Variants in KLRG2 observed in about 807,000 individuals in gnomAD.
The protein encoded by KLRG2 is killer cell lectin-like receptor subfamily G member 2.
Under a neutral mutation model 35.4 loss-of-function variants are expected in KLRG2, and 39 were observed. The ratio of observed to expected loss-of-function variants is 1.10; its 90% confidence interval spans 0.85 to 1.44. The LOEUF (loss-of-function observed/expected upper bound fraction) is 1.44. Ranked by LOEUF, KLRG2 falls within the 40% of genes most tolerant of loss-of-function variation. KLRG2 has a pLI of 0.00. For synonymous variants in KLRG2, 283 were observed against 265.8 expected (o/e 1.06, Z -0.63); for missense variants, 632 against 570.9 (o/e 1.11, Z -1.09).
At chr7:139,433,088 T>C in the KLRG2 span, among the ~76,000 whole-genome samples, 1 of 152,236 alleles carries the variant, frequency 6.6e-6, no homozygotes, top group Admixed American at 6.5e-5. Flanking sequence ...GTATTTGTTT[T>C]CATAGTTCTA....
At chr7:139,433,928 G>GCGCCCAGCATCA in the KLRG2 span, among the ~76,000 whole-genome samples, 55 of 152,158 alleles carry the variant, frequency 3.6e-4, no homozygotes, top group African/African-American at 8.7e-4. Flanking sequence ...GTGAGCCACC[G>GCGCCCAGCATCA]CGCCCAGCAT....
At chr7:139,460,761 C>T (rs1796554785) in intron 3 of KLRG2, among the ~76,000 whole-genome samples, 1 of 151,930 alleles carries the variant, frequency 6.6e-6, no homozygotes, top group Non-Finnish European at 1.5e-5. Flanking sequence ...GAGTTTGAGA[C>T]CGGCCTGGCT....
At chr7:139,446,375 C>G in the KLRG2 span, among the ~76,000 whole-genome samples, 1 of 142,732 alleles carries the variant, frequency 7.0e-6, no homozygotes, top group Non-Finnish European at 1.5e-5. Flanking sequence ...AGAGAGTCTC[C>G]CTCTGTCGCC....
At chr7:139,435,785 C>T in the KLRG2 span, among the ~76,000 whole-genome samples, 1 of 152,218 alleles carries the variant, frequency 6.6e-6, no homozygotes, top group South Asian at 2.1e-4. Flanking sequence ...CACCTTTTCA[C>T]ATTGAGTAGA....
chr7:139,440,316 C>A, the KLRG2 span, among the ~76,000 whole-genome samples: 35 of 143,762 alleles, frequency 2.4e-4, no homozygotes, highest in African/African-American at 8.0e-4. Flanking sequence ...GATTGGATCT[C>A]CCTATGTTGC....
At chr7:139,454,881 C>T (rs1380857986) in intron 3 of KLRG2, among the ~76,000 whole-genome samples, 1 of 150,466 alleles carries the variant, frequency 6.6e-6, no homozygotes, top group East Asian at 1.9e-4. Context: ...CGCAGATGTG[C>T]AGGAACAACA....
chr7:139,434,596 T>C, the KLRG2 span, among the ~76,000 whole-genome samples: 244 of 152,326 alleles, frequency 1.6e-3, no homozygotes, highest in Non-Finnish European at 2.4e-3. Context: ...CCTGTTCCTG[T>C]TTTTTAAAAG....
the KLRG2 span, among the ~76,000 whole-genome samples, chr7:139,445,903 C>A: frequency 1.1e-4 from 17 of 150,908 alleles, no homozygotes; most frequent in Non-Finnish European, 2.2e-4. Context: ...ACAATCTCGG[C>A]TCACTGCAGC....
intron 1 of KLRG2, among the ~76,000 whole-genome samples, chr7:139,481,720 T>C (rs749810855): frequency 6.6e-6 from 1 of 152,078 alleles, no homozygotes; most frequent in Non-Finnish European, 1.5e-5. Context: ...GGTCAGGAGT[T>C]CCAGACCAGC....
intron 3 of KLRG2, among the ~76,000 whole-genome samples, chr7:139,470,473 T>C (rs1387762792): frequency 6.6e-6 from 1 of 152,102 alleles, no homozygotes; most frequent in African/African-American, 2.4e-5. Context: ...TCTGTCAAAC[T>C]GACAAAGATT....
the KLRG2 span, among the ~76,000 whole-genome samples, chr7:139,443,547 A>G: frequency 3.7e-3 from 568 of 152,068 alleles, 6 homozygotes; most frequent in African/African-American, 0.013. Context: ...TAGAGGATGT[A>G]TGTGTAGATG....
At chr7:139,480,987 G>A (rs1242481105) in intron 1 of KLRG2, among the ~76,000 whole-genome samples, 3 of 151,988 alleles carry the variant, frequency 2.0e-5, no homozygotes, top group East Asian at 1.9e-4. Context: ...TAAGTGATCC[G>A]CCCGCCTTGG....
chr7:139,464,750 A>T (rs1796621381), intron 3 of KLRG2, among the ~76,000 whole-genome samples: 1 of 152,242 alleles, frequency 6.6e-6, no homozygotes, highest in African/African-American at 2.4e-5. Flanking sequence ...TTACTCTTTT[A>T]GCCTAGCCTT....
the KLRG2 span, among the ~76,000 whole-genome samples, chr7:139,445,795 G>GTATATATA: frequency 1.4e-3 from 128 of 91,992 alleles, 12 homozygotes; most frequent in African/African-American, 0.011. Context: ...ATATATATGT[G>GTATATATA]TGTATATATA....
At chr7:139,481,820 A>G (rs1318326879) in intron 1 of KLRG2, among the ~76,000 whole-genome samples, 2 of 152,016 alleles carry the variant, frequency 1.3e-5, no homozygotes, top group East Asian at 3.9e-4. Context: ...GCTACTCGGG[A>G]GGAGGCTGAG....
In KLRG2 at chr7:139,482,939, G is replaced by T; in HGVS notation, c.704C>A (p.Pro235His). ...CTCGTCGCCGTCCAACCCCGCGCGG[G>T]GCAACAGCGCCGCATCCTCCTTCTC... ...GLEKEDAALL[P>H]RAGLDGDEKL... is the part of the protein sequence containing the mutation. The change falls in exon 1 of 5, where the codon CCC becomes CAC. Residue 235 changes from proline (P) to histidine (H), a missense_variant. Coordinates refer to ENST00000340940, the MANE Select transcript of KLRG2 (RefSeq NM_198508.4). 6.7e-7 allele frequency: 1 copy of T among 1,491,136 alleles called. No homozygotes were observed. The highest frequency in any genetic ancestry group is 1.4e-5 in the African/African-American group (1 of 68,966). 92.4% of individuals were successfully genotyped at this position (1,491,136 alleles called of 1,614,324 possible).
chr7:139,454,598 C>T (rs1337487558), intron 3 of KLRG2, among the ~76,000 whole-genome samples: 1 of 151,588 alleles, frequency 6.6e-6, no homozygotes, highest in African/African-American at 2.4e-5. Context: ...GGCAGATTAC[C>T]TGAGGCCAGG....
At chr7:139,455,471 G>A (rs573776411) in intron 3 of KLRG2, among the ~76,000 whole-genome samples, 7 of 151,960 alleles carry the variant, frequency 4.6e-5, no homozygotes, top group East Asian at 3.9e-4. Context: ...ACAGGCACCC[G>A]CCACCATGCC....
intron 3 of KLRG2, among the ~76,000 whole-genome samples, chr7:139,462,384 C>T (rs1478915838): frequency 2.0e-5 from 3 of 146,572 alleles, no homozygotes; most frequent in South Asian, 2.2e-4. Context: ...GCAAGCACCC[C>T]CCATCCCTTC....
Sources: gnomAD v4.1 joint callset for allele counts (sites outside exome capture counted in the v4.1 genomes callset) on GRCh38, gnomAD v4.1.1 for gene constraint, MANE v1.5 for transcripts, NCBI Gene and HGNC (gene_info 2026-07-23, HGNC 2026-07-21) for gene names.